The following XRCC5 variants were observed in gnomAD, a reference collection of about 807,000 sequenced individuals.
XRCC5 encodes the protein DNA repair protein Ku80.
In XRCC5, 12 loss-of-function variants were observed where a neutral mutation model predicts 95.7. The ratio of observed to expected loss-of-function variants is 0.13; its 90% CI spans 0.08 to 0.20. The LOEUF is 0.20. Ranked by LOEUF, XRCC5 falls within the 10% of genes least tolerant of loss-of-function variation. The pLI is 1.00. For synonymous variants in XRCC5, 281 were observed against 290.3 expected (o/e 0.97, Z 0.33); for missense variants, 595 against 873.9 (o/e 0.68, Z 4.02).
chr2:216,162,636 C>T (rs951374712), intron 16 of XRCC5, among the ~76,000 whole-genome samples: 1 of 152,114 alleles, frequency 6.6e-6, no homozygotes, highest in Admixed American at 6.6e-5. Context: ...AGGTGATCTG[C>T]CAGCCTCAGC....
intron 13 of XRCC5, among the ~76,000 whole-genome samples, chr2:216,146,517 T>A (rs1008958366): frequency 6.7e-6 from 1 of 148,946 alleles, no homozygotes; most frequent in Non-Finnish European, 1.5e-5. Flanking sequence ...AATTACCAAT[T>A]TATAAGTTGT....
At chr2:216,184,623 C>A (rs1289716784) in intron 16 of XRCC5, among the ~76,000 whole-genome samples, 3 of 152,192 alleles carry the variant, frequency 2.0e-5, no homozygotes, top group Non-Finnish European at 4.4e-5. Context: ...GCTGGGATTA[C>A]AGGCATATGC....
intron 16 of XRCC5, among the ~76,000 whole-genome samples, chr2:216,188,010 TCA>T (rs1689540112): frequency 6.6e-6 from 1 of 152,070 alleles, no homozygotes; most frequent in African/African-American, 2.4e-5. Flanking sequence ...CTCAGGACTC[TCA>T]CACACACTTT....
Position 216,170,037 on chromosome 2 carries a change from C to CAAAAA in XRCC5, c.1834+8018_1834+8022dup, listed in dbSNP as rs71047982. 3.7e-3 allele frequency among the ~76,000 whole-genome samples: 201 copies of CAAAAA among 53,638 alleles called. 8 individuals are homozygous for CAAAAA. The highest frequency in any genetic ancestry group is 0.016 in the Middle Eastern group (1 of 64). 35.2% of individuals were successfully genotyped at this position (53,638 alleles called of 152,430 possible). On this transcript the variant is annotated intron_variant, in intron 16 of 20. Coordinates refer to ENST00000392132, the MANE Select transcript of XRCC5 (RefSeq NM_021141.4). Reference sequence around the variant, plus strand: ...CTGGCGACAGAGCAAGACTGTGTCTCAAAAAAAAAAAAAAAAAAAAAAAAA... The same window carrying CAAAAA: ...CTGGCGACAGAGCAAGACTGTGTCTCAAAAAAAAAAAAAAAAAAAAAAAAAAAAAA...
At chr2:216,110,680 G>C (rs1449163219) in intron 1 of XRCC5, 1 of 152,172 alleles carries the variant, frequency 6.6e-6, no homozygotes, top group African/African-American at 2.4e-5. Flanking sequence ...GAAACCCTTT[G>C]ATGGCACTTA....
At chr2:216,196,506 G>A (rs569741202) in intron 19 of XRCC5, among the ~76,000 whole-genome samples, 3 of 152,298 alleles carry the variant, frequency 2.0e-5, no homozygotes, top group African/African-American at 7.2e-5. Context: ...ACATGTGTGC[G>A]TGTGTCTGTG....
At chr2:216,131,265 G>A (rs1436638944) in intron 9 of XRCC5, 2 of 985,178 alleles carry the variant, frequency 2.0e-6, no homozygotes, top group Non-Finnish European at 2.4e-6. Flanking sequence ...GAATTATGTG[G>A]GCCTAACCCT....
intron 16 of XRCC5, among the ~76,000 whole-genome samples, chr2:216,167,553 CGTGTGTGTGTGTGGGTTT>C (rs1315807380): frequency 7.0e-6 from 1 of 141,852 alleles, no homozygotes; most frequent in Non-Finnish European, 1.5e-5. Flanking sequence ...AAATCTCTCT[CGTGTGTGTGTGTGGGTTT>C]GTGTGTGTGT....
chr2:216,194,854 G>T (rs1689685806), intron 18 of XRCC5, 65 bp from the exon 19 acceptor site: 5 of 1,516,060 alleles, frequency 3.3e-6, no homozygotes, highest in Non-Finnish European at 4.6e-6. Context: ...AGGTGTGATG[G>T]AAACGAAAAT....
chr2:216,141,155 A>C, intron 12 of XRCC5, 31 bp from the exon 13 acceptor site: 1 of 1,609,402 alleles, frequency 6.2e-7, no homozygotes, highest in Admixed American at 1.7e-5. Flanking sequence ...TAATGGAAAT[A>C]ATCATTTTTC....
intron 14 of XRCC5, among the ~76,000 whole-genome samples, chr2:216,152,627 GC>G (rs1228017518): frequency 6.6e-6 from 1 of 150,604 alleles, no homozygotes; most frequent in Non-Finnish European, 1.5e-5. Context: ...CTTTACCTGT[GC>G]CCTGGATCCT....
At chr2:216,197,448 GAAAAAA>G (rs369842827) in intron 19 of XRCC5, among the ~76,000 whole-genome samples, 13 of 110,346 alleles carry the variant, frequency 1.2e-4, no homozygotes, top group Non-Finnish European at 1.3e-4. Context: ...TCTGTCCCAG[GAAAAAA>G]AAAAAAAAAA....
chr2:216,143,873 ATT>A (rs5838569), intron 13 of XRCC5, among the ~76,000 whole-genome samples: 103 of 145,338 alleles, frequency 7.1e-4, no homozygotes, highest in Middle Eastern at 3.5e-3. Context: ...CGCCCGGCTA[ATT>A]TTTTTTTTTT....
At chr2:216,145,204 A>G (rs187231923) in intron 13 of XRCC5, among the ~76,000 whole-genome samples, 1 of 152,300 alleles carries the variant, frequency 6.6e-6, no homozygotes, top group African/African-American at 2.4e-5. Context: ...ACAGTAATCT[A>G]TAGGAGGTTG....
At chr2:216,116,965 A>AG (rs1696708951) in intron 3 of XRCC5, 123 bp downstream of exon 3, 1 of 1,071,404 alleles carries the variant, frequency 9.3e-7, no homozygotes, top group African/African-American at 1.6e-5. Flanking sequence ...TGCTCTGAGG[A>AG]GGGGGAGGTA....
At chr2:216,137,362 A>G in intron 11 of XRCC5, 137 bp downstream of exon 11, 4 of 996,516 alleles carry the variant, frequency 4.0e-6, no homozygotes, top group Non-Finnish European at 5.4e-6. Context: ...GTTCTGGGGC[A>G]GGGCCCAGAT....
chr2:216,187,861 T>TCTCTCTCTCTCTCTCC (rs143232624), intron 16 of XRCC5, among the ~76,000 whole-genome samples: 1 of 116,238 alleles, frequency 8.6e-6, no homozygotes, highest in Admixed American at 8.4e-5. Flanking sequence ...TCTCTCTCTC[T>TCTCTCTCTCTCTCTCC]CCCCGTCTCC....
At chr2:216,160,425 T>A (rs1197226841) in intron 15 of XRCC5, among the ~76,000 whole-genome samples, 1 of 152,194 alleles carries the variant, frequency 6.6e-6, no homozygotes, top group African/African-American at 2.4e-5. Context: ...AGTGTTGAGA[T>A]TTTGCTGTTG....
intron 9 of XRCC5, chr2:216,131,285 G>T (rs1696990195): frequency 1.0e-6 from 1 of 983,460 alleles, no homozygotes; most frequent in South Asian, 4.7e-5. Context: ...TCATCCCTTT[G>T]AGGTTCAGTC....
Sources: gnomAD v4.1 joint callset for allele counts (sites outside exome capture counted in the v4.1 genomes callset) on GRCh38, gnomAD v4.1.1 for gene constraint, MANE v1.5 for transcripts, NCBI Gene and HGNC (gene_info 2026-07-23, HGNC 2026-07-21) for gene names.